PTPRJ: variants seen among roughly 807,000 people sequenced by gnomAD.
The protein encoded by PTPRJ is receptor-type tyrosine-protein phosphatase eta.
A neutral mutation model predicts 141.3 loss-of-function variants in PTPRJ; 129 were observed. The ratio of observed to expected loss-of-function variants is 0.91; its 90% CI spans 0.79 to 1.06. PTPRJ has a LOEUF of 1.06. PTPRJ is among the 50% of genes least tolerant of loss of function. The pLI, the probability that PTPRJ is intolerant of heterozygous loss-of-function variation, is 0.00. For missense variants in PTPRJ, 1,601 were observed against 1,679.7 expected (o/e 0.95, Z 0.82); for synonymous variants, 610 against 640.5 (o/e 0.95, Z 0.72).
chr11:48,165,974 C>T (rs561568101), intron 24 of PTPRJ, among the ~76,000 whole-genome samples: 1 of 151,938 alleles, frequency 6.6e-6, no homozygotes, highest in African/African-American at 2.4e-5. Context: ...GATTCCCCTG[C>T]CTCAGCCTCC....
rs770943036 is a variant in PTPRJ, at chr11:48,146,856, C to G, written c.2912-20C>G. The G allele has an allele frequency of 6.2e-7, 1 of 1,609,612 alleles. No homozygotes were observed. Among genetic ancestry groups the G allele is most frequent in the African/African-American group, 1.3e-5 (1 of 74,894 alleles). ...TGCATGAACACCTCTTGAAGTGTCTCCCATTTGGACTTTTCTCAGGTGTCA... is the reference window on the plus strand; with the variant it reads ...TGCATGAACACCTCTTGAAGTGTCTGCCATTTGGACTTTTCTCAGGTGTCA... On this transcript the variant is annotated intron_variant, in intron 14 of 24. Coordinates refer to ENST00000418331, the MANE Select transcript of PTPRJ (RefSeq NM_002843.4).
chr11:48,157,404 T>C (rs966861398), intron 21 of PTPRJ, among the ~76,000 whole-genome samples: 1 of 152,260 alleles, frequency 6.6e-6, no homozygotes, highest in Non-Finnish European at 1.5e-5. Flanking sequence ...TGTTGCTTTA[T>C]GAGTTGTTTT....
chr11:48,026,559 G>A (rs944605499), intron 1 of PTPRJ, among the ~76,000 whole-genome samples: 2 of 150,712 alleles, frequency 1.3e-5, no homozygotes, highest in African/African-American at 2.4e-5. Context: ...TTGGCTCACC[G>A]CAACCTCTGC....
rs1387480431 is a variant in PTPRJ, at chr11:48,139,584, G to C, written c.2251G>C (p.Glu751Gln). ...TCPPGANAGF[E>Q]LEVSSGAWNN... is the part of the protein sequence containing the mutation. The stretch of plus-strand genomic sequence containing the variant: ...CCCTCCTGGCGCCAATGCAGGCTTT[G>C]AGCTGGAGGTCAGCAGTGGAGCCTG... The change falls in exon 11 of 25, where the codon GAG (glutamate) becomes CAG (glutamine). Residue 751 changes from glutamate (E) to glutamine (Q), a missense_variant. Coordinates refer to ENST00000418331, the MANE Select transcript of PTPRJ (RefSeq NM_002843.4). 6.2e-7 allele frequency: 1 copy of C among 1,614,138 alleles called. No individual in the cohort carries two copies. Among genetic ancestry groups the C allele is most frequent in the Admixed American group, 1.7e-5 (1 of 60,012 alleles).
At chr11:48,021,342 C>T (rs1855113714) in intron 1 of PTPRJ, among the ~76,000 whole-genome samples, 1 of 151,270 alleles carries the variant, frequency 6.6e-6, no homozygotes, top group Non-Finnish European at 1.5e-5. Context: ...CCATTGCACT[C>T]CAGCCTGGGC....
At chr11:47,993,218 A>G (rs1452145575) in intron 1 of PTPRJ, among the ~76,000 whole-genome samples, 2 of 152,170 alleles carry the variant, frequency 1.3e-5, no homozygotes, top group African/African-American at 2.4e-5. Context: ...TGAACAAGCT[A>G]TGGGTCAGCG....
chr11:48,125,058 G>A lies in PTPRJ; in HGVS notation c.965G>A (p.Gly322Asp). The A allele has an allele frequency of 6.2e-7, 1 of 1,614,094 alleles. No homozygotes were observed. Among genetic ancestry groups the A allele is most frequent in the Non-Finnish European group, 8.5e-7 (1 of 1,180,006 alleles). Residue 322 changes from glycine (G) to aspartate (D), a missense_variant, in exon 6 of 25, where the codon GGC (glycine) becomes GAC (aspartate). Coordinates refer to ENST00000418331, the MANE Select transcript of PTPRJ (RefSeq NM_002843.4). ...GTGGGACCTGTGGACCCATCCTCCGGCCAGCAGTCCCGAGACACGGAAGTC... is the reference window on the plus strand; with the variant it reads ...GTGGGACCTGTGGACCCATCCTCCGACCAGCAGTCCCGAGACACGGAAGTC... Reference protein sequence around the residue: ...SLVGPVDPSSGQQSRDTEVLL... With the variant: ...SLVGPVDPSSDQQSRDTEVLL...
intron 6 of PTPRJ, 139 bp from the exon 7 acceptor site, chr11:48,127,641 A>C (rs1856872786): frequency 1.1e-6 from 1 of 885,804 alleles, no homozygotes; most frequent in African/African-American, 1.7e-5. Flanking sequence ...ATGCTTTCCT[A>C]GCCACGGTTG....
intron 1 of PTPRJ, among the ~76,000 whole-genome samples, chr11:48,031,060 C>T (rs1432449707): frequency 1.3e-5 from 2 of 152,318 alleles, no homozygotes; most frequent in African/African-American, 2.4e-5. Context: ...AAACTGGCTG[C>T]CTTTCTACTC....
chr11:48,004,020 T>C (rs1034100495), intron 1 of PTPRJ, among the ~76,000 whole-genome samples: 1 of 152,224 alleles, frequency 6.6e-6, no homozygotes, highest in African/African-American at 2.4e-5. Flanking sequence ...AGAAAAACTC[T>C]TAACTGTAGC....
intron 3 of PTPRJ, among the ~76,000 whole-genome samples, chr11:48,117,748 A>C (rs1020710411): frequency 1.3e-5 from 2 of 151,962 alleles, no homozygotes; most frequent in Admixed American, 6.6e-5. Flanking sequence ...AAATAAATGA[A>C]ATAGGCACTA....
At chr11:48,139,946 C>T (rs1320889399) in intron 11 of PTPRJ, among the ~76,000 whole-genome samples, 170 bp downstream of exon 11, 2 of 152,180 alleles carry the variant, frequency 1.3e-5, no homozygotes, top group Non-Finnish European at 2.9e-5. Context: ...AGAAATCAAT[C>T]TAAAAAAGCA....
intron 1 of PTPRJ, among the ~76,000 whole-genome samples, chr11:48,099,372 T>C (rs1265594978): frequency 6.6e-6 from 1 of 152,246 alleles, no homozygotes; most frequent in Non-Finnish European, 1.5e-5. Flanking sequence ...AATATACATT[T>C]AACGCTTGTA....
chr11:48,123,473 C>A, intron 4 of PTPRJ, 140 bp from the exon 5 acceptor site: 1 of 804,664 alleles, frequency 1.2e-6, no homozygotes, highest in Non-Finnish European at 1.9e-6. Context: ...TTTAGTGAGT[C>A]ACATTGGGAC....
chr11:48,131,670 G>A (rs1355030335), intron 8 of PTPRJ: 3 of 569,892 alleles, frequency 5.3e-6, no homozygotes, highest in Non-Finnish European at 9.6e-6. Flanking sequence ...TGGCTACTTT[G>A]GTGCTAGAAT....
chr11:48,069,212 G>T (rs1305494161), intron 1 of PTPRJ, among the ~76,000 whole-genome samples: 1 of 151,360 alleles, frequency 6.6e-6, no homozygotes, highest in East Asian at 1.9e-4. Context: ...CGATTCTCCT[G>T]CCTCAGCCTC....
intron 8 of PTPRJ, chr11:48,131,999 T>C (rs1856993173): frequency 2.9e-6 from 1 of 345,198 alleles, no homozygotes; most frequent in Admixed American, 6.5e-5. Flanking sequence ...TTCTTCATTT[T>C]AAATCCCTGA....
chr11:48,019,278 C>A (rs1855041714), intron 1 of PTPRJ, among the ~76,000 whole-genome samples: 1 of 152,126 alleles, frequency 6.6e-6, no homozygotes, highest in Admixed American at 6.5e-5. Context: ...AAGCATCCCG[C>A]CCTTCTGGTT....
At chr11:48,083,353 C>T (rs554262438) in intron 1 of PTPRJ, among the ~76,000 whole-genome samples, 9 of 152,314 alleles carry the variant, frequency 5.9e-5, no homozygotes, top group African/African-American at 1.2e-4. Context: ...CGCTTGAACC[C>T]GGGAGGCGAA....
Sources: gnomAD v4.1 joint callset for allele counts (sites outside exome capture counted in the v4.1 genomes callset) on GRCh38, gnomAD v4.1.1 for gene constraint, MANE v1.5 for transcripts, NCBI Gene and HGNC (gene_info 2026-07-23, HGNC 2026-07-21) for gene names.